MEI4: variants seen among roughly 807,000 people sequenced by gnomAD.
MEI4 encodes meiosis-specific protein MEI4.
Under a neutral mutation model 31.4 loss-of-function variants are expected in MEI4, and 27 were observed. The observed-to-expected ratio is 0.86, with a 90% CI of 0.63 to 1.19. The LOEUF (loss-of-function observed/expected upper bound fraction) is 1.19. Among genes scored for constraint, MEI4 ranks in the 50% most tolerant of loss-of-function variants. The pLI is 0.00. For synonymous variants in MEI4, 122 were observed against 145.4 expected (o/e 0.84, Z 1.16); for missense variants, 329 against 398.9 (o/e 0.82, Z 1.49).
intron 3 of MEI4, among the ~76,000 whole-genome samples, chr6:77,787,512 C>T (rs1768774584): frequency 6.6e-6 from 1 of 152,128 alleles, no homozygotes; most frequent in African/African-American, 2.4e-5. Flanking sequence ...CACTAGAGTG[C>T]AATCCCAGGT....
intron 2 of MEI4, among the ~76,000 whole-genome samples, chr6:77,709,494 TAAAATGTTAACA>T (rs1766408414): frequency 6.6e-6 from 1 of 152,212 alleles, no homozygotes; most frequent in African/African-American, 2.4e-5. Flanking sequence ...ATAATACATG[TAAAATGTTAACA>T]TTTTACATCA....
chr6:77,902,003 G>A (rs907512483), intron 4 of MEI4, among the ~76,000 whole-genome samples: 6 of 151,942 alleles, frequency 3.9e-5, no homozygotes, highest in Non-Finnish European at 7.4e-5. Flanking sequence ...TTTTGGGAAA[G>A]CAATTGACCA....
intron 2 of MEI4, among the ~76,000 whole-genome samples, chr6:77,732,617 A>T (rs1380187763): frequency 6.6e-6 from 1 of 151,806 alleles, no homozygotes; most frequent in African/African-American, 2.4e-5. Context: ...AATACCCTTT[A>T]TTTCCTTCTC....
chr6:77,688,572 A>G (rs1769100905), intron 1 of MEI4, among the ~76,000 whole-genome samples: 2 of 152,108 alleles, frequency 1.3e-5, no homozygotes, highest in South Asian at 2.1e-4. Flanking sequence ...GCTTCAATCA[A>G]TTAATTAAAT....
intron 1 of MEI4, among the ~76,000 whole-genome samples, chr6:77,686,411 C>T (rs1207371999): frequency 2.6e-5 from 4 of 151,854 alleles, no homozygotes; most frequent in Non-Finnish European, 5.9e-5. Context: ...TTTGTTCCTT[C>T]CCTCTCTTTT....
At chr6:77,652,243 G>C (rs747492137), upstream of MEI4, among the ~76,000 whole-genome samples, 12 of 152,174 alleles carry the variant, frequency 7.9e-5, no homozygotes, top group African/African-American at 2.9e-4. Flanking sequence ...CTAATGGTTT[G>C]AGGAAAATTA....
intron 4 of MEI4, among the ~76,000 whole-genome samples, chr6:77,834,919 C>T (rs904517553): frequency 1.3e-5 from 2 of 152,116 alleles, no homozygotes; most frequent in Non-Finnish European, 2.9e-5. Flanking sequence ...TTCCCACATT[C>T]CTTTGTACTT....
chr6:77,841,333 A>ATATATATATATATATATATATATTT, intron 4 of MEI4, among the ~76,000 whole-genome samples: 1 of 27,748 alleles, frequency 3.6e-5, no homozygotes, highest in African/African-American at 3.3e-4. Flanking sequence ...ATATATATAT[A>ATATATATATATATATATATATATTT]TTTTTTTTTT....
rs751420176 is a variant in MEI4, at chr6:77,761,173, T to C, written c.276T>C (p.Ser92=). ...TGGAGGCTCAGGAACCTAAGAGTTC[T>C]GAAAGTACATTAACTTCGATGGAAG... ...SQLEAQEPKS[S]ESTLTSMEDS... Residue 92 remains serine (S), a synonymous_variant, in exon 3 of 5, where the codon TCT becomes TCC. Coordinates refer to ENST00000684080, the MANE Select transcript of MEI4 (RefSeq NM_001322247.2). 38 of 1,232,086 alleles carry C rather than the reference T, an allele frequency of 3.1e-5. No individual in the cohort carries two copies. The highest frequency in any genetic ancestry group is 3.6e-5 in the Non-Finnish European group (36 of 987,952). The allele number at this position is 1,232,086 out of a possible 1,614,324, so 76.3% of individuals were successfully genotyped here.
In MEI4 at chr6:77,925,687, G is replaced by C. The variant is rs1178513190; in HGVS notation, c.*2341G>C. ...TAGGAAATAAAGAGAACCATAGAAT[G>C]ATCATAAAAATGAAGCAAATAAAAA... On this transcript the variant is annotated 3_prime_UTR_variant, in exon 5 of 5. Transcript: ENST00000684080. 1 of 150,476 alleles carries C rather than the reference G, an allele frequency of 6.6e-6. No homozygotes were observed. The highest frequency in any genetic ancestry group is 1.5e-5 in the Non-Finnish European group (1 of 67,546). 9.3% of individuals were successfully genotyped at this position (150,476 alleles called of 1,614,324 possible). A position where few individuals can be genotyped will look rare whatever the true frequency, so the allele number is the denominator to read the frequency against.
intron 4 of MEI4, among the ~76,000 whole-genome samples, chr6:77,876,918 GA>G (rs1362135730): frequency 2.0e-5 from 3 of 151,792 alleles, no homozygotes; most frequent in Non-Finnish European, 2.9e-5. Context: ...GAAAAGGAGG[GA>G]AAAAAAGGTT....
intron 2 of MEI4, among the ~76,000 whole-genome samples, chr6:77,694,782 A>G (rs1345530351): frequency 6.6e-6 from 1 of 151,824 alleles, no homozygotes; most frequent in African/African-American, 2.4e-5. Context: ...ATACCCAGTA[A>G]TGGGATGGCT....
At chr6:77,877,677 G>A (rs1001293183) in intron 4 of MEI4, among the ~76,000 whole-genome samples, 1 of 151,106 alleles carries the variant, frequency 6.6e-6, no homozygotes, top group Non-Finnish European at 1.5e-5. Context: ...TGTTTTGGAG[G>A]GGGGAAAATG....
chr6:77,790,311 G>A (rs1474163093), intron 3 of MEI4, among the ~76,000 whole-genome samples: 1 of 151,120 alleles, frequency 6.6e-6, no homozygotes, highest in African/African-American at 2.4e-5. Flanking sequence ...TAAATGACGA[G>A]TTAATGGGTG....
intron 3 of MEI4, among the ~76,000 whole-genome samples, chr6:77,783,093 A>G (rs1342187854): frequency 6.6e-6 from 1 of 152,142 alleles, no homozygotes; most frequent in African/African-American, 2.4e-5. Flanking sequence ...TATCTGGGAA[A>G]CAGAAGAATT....
intron 3 of MEI4, among the ~76,000 whole-genome samples, chr6:77,822,708 C>G (rs935582008): frequency 6.6e-6 from 1 of 150,962 alleles, no homozygotes; most frequent in African/African-American, 2.4e-5. Context: ...CAACCTCTGC[C>G]TCCTGGGTTC....
chr6:77,895,367 GCCT>G (rs758155900), intron 4 of MEI4, among the ~76,000 whole-genome samples: 71 of 152,156 alleles, frequency 4.7e-4, no homozygotes, highest in Non-Finnish European at 8.8e-4. Flanking sequence ...TAAGTTCTCT[GCCT>G]CCTCCTTGTC....
At chr6:77,703,127 C>T (rs1471079615) in intron 2 of MEI4, among the ~76,000 whole-genome samples, 2 of 152,160 alleles carry the variant, frequency 1.3e-5, no homozygotes, top group Admixed American at 6.5e-5. Flanking sequence ...CTATAGTTAG[C>T]ACAGTTCCTG....
intron 3 of MEI4, among the ~76,000 whole-genome samples, chr6:77,828,401 T>C (rs925144669): frequency 6.6e-6 from 1 of 152,056 alleles, no homozygotes; most frequent in African/African-American, 2.4e-5. Flanking sequence ...GCAAACCCTA[T>C]TGTGAACTGT....
Sources: allele counts gnomAD v4.1 joint callset (sites outside exome capture counted in the v4.1 genomes callset), GRCh38; gene constraint gnomAD v4.1.1; transcripts MANE v1.5; gene names NCBI Gene and HGNC (gene_info 2026-07-23, HGNC 2026-07-21).